Variants in WASHC4 observed in about 807,000 individuals in gnomAD.
The protein encoded by WASHC4 is WASH complex subunit 4.
Under a neutral mutation model 166.6 loss-of-function variants are expected in WASHC4, and 86 were observed. The ratio of observed to expected loss-of-function variants is 0.52; its 90% confidence interval spans 0.43 to 0.62. WASHC4 has a LOEUF of 0.62. WASHC4 is among the 20% of genes least tolerant of loss of function. WASHC4 has a pLI of 0.00. For missense variants in WASHC4, 1,262 were observed against 1,382.4 expected (o/e 0.91, Z 1.38); for synonymous variants, 446 against 451.6 (o/e 0.99, Z 0.16).
chr12:105,136,788 C>T (rs1882366077), intron 14 of WASHC4, among the ~76,000 whole-genome samples: 1 of 152,102 alleles, frequency 6.6e-6, no homozygotes, highest in Non-Finnish European at 1.5e-5. Context: ...GTCTTACGGT[C>T]ACCTTTCTTA....
At chr12:105,109,649 C>CTTTT (rs36080234) in intron 1 of WASHC4, among the ~76,000 whole-genome samples, 108 of 97,566 alleles carry the variant, frequency 1.1e-3, no homozygotes, top group African/African-American at 2.5e-3. Flanking sequence ...CTAGCATTGT[C>CTTTT]TTTTTTTTTT....
chr12:105,125,435 A>G (rs773560254), intron 10 of WASHC4, among the ~76,000 whole-genome samples: 1 of 152,204 alleles, frequency 6.6e-6, no homozygotes, highest in Non-Finnish European at 1.5e-5. Flanking sequence ...CTTTTGGTCA[A>G]CAGTGTGCTA....
intron 25 of WASHC4, 54 bp downstream of exon 25, chr12:105,149,803 A>G (rs1239325191): frequency 4.7e-6 from 7 of 1,502,342 alleles, no homozygotes; most frequent in African/African-American, 2.8e-5. Context: ...GTATATGGCA[A>G]ATGTGTATGC....
chr12:105,141,303 G>T, intron 18 of WASHC4, 57 bp downstream of exon 18: 1 of 1,189,544 alleles, frequency 8.4e-7, no homozygotes, highest in South Asian at 1.2e-5. Flanking sequence ...TAGAAACATT[G>T]ATTTTCTTTT....
rs1476944668 is a variant in WASHC4, at chr12:105,115,667, A to T, written c.374A>T (p.Asp125Val). ...TTCATGTTGCCTTTTACAGCTACAG[A>T]TGCCAGCATGGTGGAAGGTGATTGC... ...GLLFYGEGAT[D>V]ASMVEGDCQI... The change falls in exon 6 of 33, where the codon GAT (aspartate) becomes GTT (valine). Residue 125 changes from aspartate (D) to valine (V), a missense_variant. Asp to Val is a radical substitution (Grantham distance 152). Transcript: ENST00000332180. The T allele has an allele frequency of 6.2e-7, 1 of 1,607,568 alleles. No individual in the cohort carries two copies. The highest frequency in any genetic ancestry group is 8.5e-7 in the Non-Finnish European group (1 of 1,174,254).
chr12:105,153,371 G>A (rs187618700), intron 26 of WASHC4, among the ~76,000 whole-genome samples: 76 of 152,228 alleles, frequency 5.0e-4, no homozygotes, highest in Non-Finnish European at 5.9e-5. Context: ...TCATTCTGGA[G>A]TAAAGTTTTT....
intron 32 of WASHC4, 70 bp downstream of exon 32, chr12:105,164,810 A>T: frequency 9.9e-7 from 1 of 1,012,638 alleles, no homozygotes; most frequent in Non-Finnish European, 1.5e-6. Flanking sequence ...GCACCATTTT[A>T]TCTGGTCAGA....
chr12:105,124,164 G>A (rs911535048), intron 10 of WASHC4, among the ~76,000 whole-genome samples: 65 of 148,306 alleles, frequency 4.4e-4, no homozygotes, highest in African/African-American at 1.6e-3. Flanking sequence ...TTGTTGCCCA[G>A]GCTGGAGTGC....
chr12:105,153,079 C>G (rs1414329405), intron 26 of WASHC4, among the ~76,000 whole-genome samples: 1 of 152,078 alleles, frequency 6.6e-6, no homozygotes, highest in Non-Finnish European at 1.5e-5. Context: ...AAAAGAGAAA[C>G]TTAGAGAAAG....
chr12:105,159,883 A>C (rs940141550), intron 28 of WASHC4, 118 bp from the exon 29 acceptor site: 1 of 873,070 alleles, frequency 1.1e-6, no homozygotes, highest in African/African-American at 1.7e-5. Context: ...ATTTTCTTAG[A>C]AGTGTCTTAC....
In WASHC4 at chr12:105,142,396, C is replaced by T. The variant is rs376947281; in HGVS notation, c.1788-57C>T. ...CTTCTGTAGTAGATGTCATTCCTTTCATATTGTTTTGGGATTCTTCAGTTT... is the reference window on the plus strand; with the variant it reads ...CTTCTGTAGTAGATGTCATTCCTTTTATATTGTTTTGGGATTCTTCAGTTT... On this transcript the variant is annotated intron_variant, in intron 18 of 32. Transcript: ENST00000332180. 8.2e-6 allele frequency: 8 copies of T among 974,222 alleles called. No homozygotes were observed. The South Asian group carries it at 1.0e-4, about 13-fold the overall frequency. The allele number at this position is 974,222 out of a possible 1,614,324, so 60.3% of individuals were successfully genotyped here.
intron 14 of WASHC4, among the ~76,000 whole-genome samples, chr12:105,135,908 C>T (rs931009387): frequency 5.9e-5 from 9 of 152,028 alleles, no homozygotes; most frequent in Non-Finnish European, 1.3e-4. Flanking sequence ...CTTTTATATA[C>T]CCAGTTATTT....
intron 2 of WASHC4, among the ~76,000 whole-genome samples, chr12:105,113,085 C>G (rs772487187): frequency 1.3e-5 from 2 of 151,998 alleles, no homozygotes; most frequent in Non-Finnish European, 2.9e-5. Flanking sequence ...GTAATTGTCT[C>G]TTTTTGTTCC....
At chr12:105,111,310 T>C (rs1184149006) in intron 2 of WASHC4, 46 bp downstream of exon 2, 1 of 1,205,194 alleles carries the variant, frequency 8.3e-7, no homozygotes, top group South Asian at 1.4e-5. Context: ...TTTCTGGACA[T>C]ACTATATCCT....
intron 1 of WASHC4, among the ~76,000 whole-genome samples, chr12:105,108,845 A>C (rs1446784886): frequency 3.2e-4 from 48 of 152,284 alleles, no homozygotes; most frequent in Middle Eastern, 6.8e-3. Context: ...ACAATGTTAG[A>C]TGAATTAGGT....
chr12:105,162,674 A>T, intron 29 of WASHC4, 75 bp from the exon 30 acceptor site: 2 of 766,142 alleles, frequency 2.6e-6, no homozygotes, highest in Non-Finnish European at 4.6e-6. Flanking sequence ...TATAATTTTT[A>T]AAATGTCTGT....
intron 13 of WASHC4, among the ~76,000 whole-genome samples, chr12:105,131,905 A>C (rs1465673830): frequency 3.3e-5 from 5 of 152,124 alleles, no homozygotes; most frequent in Non-Finnish European, 7.4e-5. Flanking sequence ...CATTTATTAG[A>C]GATTTTGACA....
chr12:105,142,398 T>C, intron 18 of WASHC4, 55 bp from the exon 19 acceptor site: 1 of 995,174 alleles, frequency 1.0e-6, no homozygotes, highest in East Asian at 2.4e-5. Flanking sequence ...ATTCCTTTCA[T>C]ATTGTTTTGG....
chr12:105,113,251 G>C (rs1320050090), intron 2 of WASHC4, among the ~76,000 whole-genome samples: 1 of 151,886 alleles, frequency 6.6e-6, no homozygotes, highest in Non-Finnish European at 1.5e-5. Flanking sequence ...GATGCTGTTG[G>C]GCTTTCTCGC....
Sources: gnomAD v4.1 joint callset for allele counts (sites outside exome capture counted in the v4.1 genomes callset) on GRCh38, gnomAD v4.1.1 for gene constraint, MANE v1.5 for transcripts, NCBI Gene and HGNC (gene_info 2026-07-23, HGNC 2026-07-21) for gene names.